DDC: variants seen among roughly 807,000 people sequenced by gnomAD.
DDC encodes aromatic-L-amino-acid decarboxylase.
DDC carries 43 observed loss-of-function variants against 60.0 expected under a neutral mutation model. The observed-to-expected ratio is 0.72, with a 90% confidence interval of 0.56 to 0.92. The LOEUF (loss-of-function observed/expected upper bound fraction) is 0.92. Among genes scored for constraint, DDC ranks in the 40% least tolerant of loss-of-function variants. DDC has a pLI of 0.00. For missense variants in DDC, 573 were observed against 620.2 expected (o/e 0.92, Z 0.81); for synonymous variants, 232 against 234.6 (o/e 0.99, Z 0.10).
At chr7:50,530,858 A>G (rs1410680851) in intron 4 of DDC, among the ~76,000 whole-genome samples, 1 of 152,212 alleles carries the variant, frequency 6.6e-6, no homozygotes, top group African/African-American at 2.4e-5. Context: ...TAATAAAATA[A>G]TTAAGTAGAA....
At chr7:50,494,703 C>T (rs2043088322) in intron 9 of DDC, among the ~76,000 whole-genome samples, 1 of 151,844 alleles carries the variant, frequency 6.6e-6, no homozygotes, top group African/African-American at 2.4e-5. Context: ...GTCTTGTCGC[C>T]AAGGCTGGAT....
rs114687756 is a variant in DDC, at chr7:50,503,099, C to T, written c.781+894G>A. Among the ~76,000 whole-genome samples the T allele has an allele frequency of 4.2e-3, 634 of 152,332 alleles. 4 individuals are homozygous for T. The highest frequency in any genetic ancestry group is 0.014 in the African/African-American group (587 of 41,564). On this transcript the variant is annotated intron_variant, in intron 7 of 14. Transcript: ENST00000444124. ...ACTCTTGGGTTAGGAGAGGTGAGAACTGTGCTTGGCTTGTGCAGACTAAGG... is the reference window on the plus strand; with the variant it reads ...ACTCTTGGGTTAGGAGAGGTGAGAATTGTGCTTGGCTTGTGCAGACTAAGG...
intron 14 of DDC, among the ~76,000 whole-genome samples, chr7:50,460,516 C>T (rs1330906798): frequency 6.6e-6 from 1 of 151,590 alleles, no homozygotes; most frequent in Admixed American, 6.5e-5. Context: ...GTGAGGAGCC[C>T]CTCTGCCCAG....
At chr7:50,525,061 C>G (rs1034633465) in intron 6 of DDC, among the ~76,000 whole-genome samples, 4 of 152,144 alleles carry the variant, frequency 2.6e-5, no homozygotes, top group African/African-American at 9.7e-5. Flanking sequence ...GGCCATTATG[C>G]TGAGTGAGAA....
intron 1 of DDC, among the ~76,000 whole-genome samples, chr7:50,550,845 T>G (rs2044970135): frequency 6.6e-6 from 1 of 152,250 alleles, no homozygotes; most frequent in African/African-American, 2.4e-5. Flanking sequence ...GTTCCCAGCT[T>G]GAAAGGGCCT....
chr7:50,537,834 A>AGTGGCCCTCACAG, intron 4 of DDC, 26 bp downstream of exon 4: 1 of 1,614,102 alleles, frequency 6.2e-7, no homozygotes, highest in Non-Finnish European at 8.5e-7. Flanking sequence ...GCATCCCAAA[A>AGTGGCCCTCACAG]GTGGCCCTCA....
At chr7:50,535,355 C>T (rs188800357) in intron 4 of DDC, among the ~76,000 whole-genome samples, 2 of 152,278 alleles carry the variant, frequency 1.3e-5, no homozygotes, top group African/African-American at 4.8e-5. Context: ...CCATGTTGGC[C>T]AGGCTGGTCT....
intron 6 of DDC, among the ~76,000 whole-genome samples, chr7:50,506,323 T>A (rs540315470): frequency 3.3e-5 from 5 of 152,046 alleles, no homozygotes; most frequent in Non-Finnish European, 7.4e-5. Flanking sequence ...TTTTACAAAT[T>A]TGTTTGAGTT....
At chr7:50,562,163 G>A (rs1224240301) in intron 1 of DDC, among the ~76,000 whole-genome samples, 1 of 152,224 alleles carries the variant, frequency 6.6e-6, no homozygotes, top group Non-Finnish European at 1.5e-5. Flanking sequence ...AACTGGGACA[G>A]AGGCAGCGGC....
chr7:50,463,167 C>G, intron 14 of DDC, 46 bp downstream of exon 14: 3 of 1,499,350 alleles, frequency 2.0e-6, no homozygotes, highest in Non-Finnish European at 2.7e-6. Flanking sequence ...GACACTCTTG[C>G]CACGGGACAA....
intron 9 of DDC, among the ~76,000 whole-genome samples, chr7:50,492,352 T>C (rs1672725997): frequency 6.6e-6 from 1 of 152,250 alleles, no homozygotes; most frequent in Non-Finnish European, 1.5e-5. Flanking sequence ...TTTTATAGTG[T>C]CATGGGACAA....
At chr7:50,466,662 G>A (rs374389835) in intron 13 of DDC, among the ~76,000 whole-genome samples, 5 of 152,134 alleles carry the variant, frequency 3.3e-5, no homozygotes, top group Non-Finnish European at 5.9e-5. Context: ...GCCCCAACCC[G>A]TGTGGGCCAG....
At chr7:50,517,303 G>T (rs936026577) in intron 6 of DDC, among the ~76,000 whole-genome samples, 1 of 152,042 alleles carries the variant, frequency 6.6e-6, no homozygotes, top group Admixed American at 6.5e-5. Flanking sequence ...CACAGAAAGA[G>T]AATTAAAAAC....
intron 1 of DDC, among the ~76,000 whole-genome samples, chr7:50,554,893 G>T (rs762332739): frequency 1.3e-5 from 2 of 152,168 alleles, no homozygotes; most frequent in Non-Finnish European, 2.9e-5. Flanking sequence ...AAAGTGTTCT[G>T]GGAGGCAGCA....
Position 50,516,869 on chromosome 7 carries a change from C to T in DDC, c.714+11268G>A, listed in dbSNP as rs559350635. 3.3e-5 allele frequency among the ~76,000 whole-genome samples: 5 copies of T among 152,142 alleles called. No individual in the cohort carries two copies. The South Asian group carries it at 1.0e-3, about 32-fold the overall frequency. ...TCCTGGAAAAATACAACCCTCCTAG[C>T]TTAAATCAGGAAGAATTAGATACCC... On this transcript the variant is annotated intron_variant, in intron 6 of 14. Coordinates refer to ENST00000444124, the MANE Select transcript of DDC (RefSeq NM_001082971.2).
chr7:50,466,200 G>T (rs373363423), intron 13 of DDC, among the ~76,000 whole-genome samples: 1 of 152,110 alleles, frequency 6.6e-6, no homozygotes, highest in African/African-American at 2.4e-5. Flanking sequence ...TGAATTAAAA[G>T]CTACCTCAGC....
chr7:50,485,817 CCT>C (rs1450520974), intron 9 of DDC, among the ~76,000 whole-genome samples: 1 of 152,168 alleles, frequency 6.6e-6, no homozygotes, highest in African/African-American at 2.4e-5. Context: ...CTCCCCACTC[CCT>C]GTCTCCACGT....
chr7:50,550,524 G>A lies in DDC; in HGVS notation c.-28-6411C>T, dbSNP rs566810881. ...TTAGAAAGTTTATTTTGCCAAGGTT[G>A]AGGACACACCCGTGACACAGCCTCA... On this transcript the variant is annotated intron_variant, in intron 1 of 14. Coordinates refer to ENST00000444124, the MANE Select transcript of DDC (RefSeq NM_001082971.2). Among the ~76,000 whole-genome samples the A allele has an allele frequency of 3.3e-5, 5 of 152,294 alleles. No individual in the cohort carries two copies. The South Asian group carries it at 1.0e-3, about 32-fold the overall frequency.
chr7:50,491,698 C>T (rs1226575053), intron 9 of DDC, among the ~76,000 whole-genome samples: 1 of 152,162 alleles, frequency 6.6e-6, no homozygotes, highest in Non-Finnish European at 1.5e-5. Context: ...CTATGCTCAC[C>T]TTATCTTATA....
Sources: allele counts gnomAD v4.1 joint callset (sites outside exome capture counted in the v4.1 genomes callset), GRCh38; gene constraint gnomAD v4.1.1; transcripts MANE v1.5; gene names NCBI Gene and HGNC (gene_info 2026-07-23, HGNC 2026-07-21).